The following LUC7L2 variants were observed in gnomAD, a reference collection of about 807,000 sequenced individuals.
The protein encoded by LUC7L2 is LUC7 like 2, pre-mRNA splicing factor, also known as putative RNA-binding protein Luc7-like 2.
Under a neutral mutation model 52.8 loss-of-function variants are expected in LUC7L2, and 25 were observed. That is an observed-to-expected ratio of 0.47 (90% CI 0.34 to 0.66). LUC7L2 has a LOEUF of 0.66. Ranked by LOEUF, LUC7L2 falls within the 30% of genes least tolerant of loss-of-function variation. The probability of loss-of-function intolerance (pLI) is 0.01; values close to 1 mark genes in which losing one functional copy is unlikely to be tolerated. For missense variants in LUC7L2, 328 were observed against 497.8 expected (o/e 0.66, Z 3.25); for synonymous variants, 144 against 160.9 (o/e 0.89, Z 0.80).
At chr7:139,381,641 A>T (rs1801028460) in intron 2 of LUC7L2, among the ~76,000 whole-genome samples, 5 of 149,906 alleles carry the variant, frequency 3.3e-5, no homozygotes. Flanking sequence ...CAATGGTTTG[A>T]TCTCGGCTCA....
At chr7:139,393,809 CA>C (rs1362173771) in intron 2 of LUC7L2, among the ~76,000 whole-genome samples, 1 of 152,154 alleles carries the variant, frequency 6.6e-6, no homozygotes, top group Non-Finnish European at 1.5e-5. Flanking sequence ...GCTTAGTAGT[CA>C]TCATGGTATG....
At position 139,422,909 on chromosome 7, in the gene LUC7L2, T is replaced by C. The variant is rs1477573342; in HGVS notation, c.*569T>C. 7.5e-6 allele frequency: 3 copies of C among 398,860 alleles called. No individual in the cohort carries two copies. Among genetic ancestry groups the C allele is most frequent in the Non-Finnish European group, 1.3e-5 (3 of 226,066 alleles). 24.7% of individuals were successfully genotyped at this position (398,860 alleles called of 1,614,324 possible). A position where few individuals can be genotyped will look rare whatever the true frequency, so the allele number is the denominator to read the frequency against. On this transcript the variant is annotated 3_prime_UTR_variant, in exon 10 of 10. Coordinates refer to ENST00000354926, the MANE Select transcript of LUC7L2 (RefSeq NM_016019.5). ...AATACTGGGGTTTTTTGTTTAATGG[T>C]GCCTATTTAGAGTTGGAAGTTGAAC...
intron 9 of LUC7L2, 23 bp downstream of exon 9, chr7:139,417,752 A>T (rs73154180): frequency 0.023 from 36,868 of 1,604,234 alleles, 491 homozygotes; most frequent in South Asian, 0.048. Context: ...CAATCAGAGG[A>T]TATGGAGCTA....
intron 2 of LUC7L2, among the ~76,000 whole-genome samples, chr7:139,377,266 G>T (rs1800759629): frequency 6.6e-6 from 1 of 152,024 alleles, no homozygotes; most frequent in Admixed American, 6.6e-5. Context: ...GTGCAGTGGC[G>T]CAATCTCAGC....
intron 1 of LUC7L2, among the ~76,000 whole-genome samples, chr7:139,362,795 A>G (rs1296098186): frequency 6.6e-6 from 1 of 151,782 alleles, no homozygotes; most frequent in Non-Finnish European, 1.5e-5. Flanking sequence ...CACCCCCTCA[A>G]GGTTTCTTCC....
chr7:139,414,434 C>T (rs77536492), intron 8 of LUC7L2, among the ~76,000 whole-genome samples: 3 of 152,228 alleles, frequency 2.0e-5, no homozygotes, highest in Non-Finnish European at 4.4e-5. Context: ...GGGCTGTATT[C>T]AAAGCCATCC....
In LUC7L2 at chr7:139,360,198, C is replaced by A. The variant is rs1331710898; in HGVS notation, c.-64C>A. ...ACCTTCCCCCATCCCTTCCCCTTAT[C>A]CCCCAGCCCAAAAGGGCCCGGTCTG... On this transcript the variant is annotated 5_prime_UTR_variant, in exon 1 of 10. Coordinates refer to ENST00000354926, the MANE Select transcript of LUC7L2 (RefSeq NM_016019.5). 12 of 1,256,970 alleles carry A rather than the reference C, an allele frequency of 9.5e-6. No homozygotes were observed. The highest frequency in any genetic ancestry group is 2.6e-5 in the East Asian group (1 of 38,470). 77.9% of individuals were successfully genotyped at this position (1,256,970 alleles called of 1,614,324 possible).
At position 139,360,237 on chromosome 7, in the gene LUC7L2, C is replaced by CCCGT. The variant is rs750417600; in HGVS notation, c.-21_-18dup. ...GGGCCCGGTCTGCGCCCCACCCCCGCCCGTCCGCCCGCTACGCCGCCGCCA... is the reference window on the plus strand; with the variant it reads ...GGGCCCGGTCTGCGCCCCACCCCCGCCCGTCCGTCCGCCCGCTACGCCGCCGCCA... On this transcript the variant is annotated 5_prime_UTR_variant, in exon 1 of 10. Coordinates refer to ENST00000354926, the MANE Select transcript of LUC7L2 (RefSeq NM_016019.5). 1.8e-4 allele frequency: 282 copies of CCCGT among 1,543,458 alleles called. 6 individuals carry two copies. In the South Asian group the frequency reaches 3.3e-3, roughly 18 times the overall value.
In LUC7L2 at chr7:139,412,554, C is replaced by G; in HGVS notation, c.783C>G (p.Ser261=). The G allele has an allele frequency of 1.2e-6, 2 of 1,600,240 alleles. No individual in the cohort carries two copies. The highest frequency in any genetic ancestry group is 2.3e-5 in the South Asian group (2 of 88,172). Reference sequence around the variant, plus strand: ...AATACATATTTTTTTTTTTTAGGTCCCGATCACACAGCAAGAATCCAAAAA... The same window carrying G: ...AATACATATTTTTTTTTTTTAGGTCGCGATCACACAGCAAGAATCCAAAAA... The part of the protein sequence containing the change: ...EREEREKLRR[S]RSHSKNPKRS... Residue 261 remains serine, a synonymous_variant, in exon 8 of 10, where the codon TCC becomes TCG. Coordinates refer to ENST00000354926, the MANE Select transcript of LUC7L2 (RefSeq NM_016019.5).
chr7:139,359,078 C>CTGTT (rs1799719519), upstream of LUC7L2: 1 of 152,284 alleles, frequency 6.6e-6, no homozygotes, highest in Admixed American at 6.5e-5. Context: ...CACGCCATAG[C>CTGTT]AGACGTGTGA....
intron 2 of LUC7L2, among the ~76,000 whole-genome samples, chr7:139,394,055 T>C (rs977058905): frequency 6.6e-6 from 1 of 151,718 alleles, no homozygotes; most frequent in Non-Finnish European, 1.5e-5. Context: ...CCAACTAGCC[T>C]GCCTCTTGGA....
At chr7:139,413,147 ATACTT>A (rs1354637829) in intron 8 of LUC7L2, among the ~76,000 whole-genome samples, 1 of 152,220 alleles carries the variant, frequency 6.6e-6, no homozygotes, top group Non-Finnish European at 1.5e-5. Flanking sequence ...GAGCAAGACA[ATACTT>A]TGTTTTGACT....
At position 139,359,950 on chromosome 7, in the gene LUC7L2, C is replaced by T. The variant is rs1799776243; in HGVS notation, c.-312C>T. 4.7e-6 allele frequency: 2 copies of T among 421,494 alleles called. No individual in the cohort carries two copies. The highest frequency in any genetic ancestry group is 6.4e-5 in the South Asian group (1 of 15,720). The allele number at this position is 421,494 out of a possible 1,614,324, so 26.1% of individuals were successfully genotyped here. A position where few individuals can be genotyped will look rare whatever the true frequency, so the allele number is the denominator to read the frequency against. ...GCGTCAGAGCTTGAGGGGGGGTTGA[C>T]GGCTTCTGGCGGGTGGCGGTGTTGA... is the stretch of plus-strand genomic sequence containing the variant. On this transcript the variant is annotated 5_prime_UTR_variant, in exon 1 of 10. In the 5' UTR this introduces an upstream ATG that the reference lacks. Coordinates refer to ENST00000354926, the MANE Select transcript of LUC7L2 (RefSeq NM_016019.5).
chr7:139,415,198 C>T (rs867646440), intron 8 of LUC7L2, among the ~76,000 whole-genome samples: 7 of 150,648 alleles, frequency 4.6e-5, no homozygotes, highest in Middle Eastern at 6.9e-3. Flanking sequence ...AGGCATGAGT[C>T]ACCATGTCCA....
At chr7:139,383,137 C>T (rs192055716) in intron 2 of LUC7L2, among the ~76,000 whole-genome samples, 14 of 151,642 alleles carry the variant, frequency 9.2e-5, no homozygotes, top group African/African-American at 1.5e-4. Context: ...TTTTTTGAGA[C>T]GGAGTTTTGC....
rs193271405 is a variant in LUC7L2 at position 139,399,713 on chromosome 7, C to T, written c.255+1016C>T. On this transcript the variant is annotated intron_variant, in intron 3 of 9. Coordinates refer to ENST00000354926, the MANE Select transcript of LUC7L2 (RefSeq NM_016019.5). Reference sequence around the variant, plus strand: ...CTTGATCTCCTGACCGCGTGATCCGCCCGCCTCAGCCTCCCAAAGTGTTGG... The same window carrying T: ...CTTGATCTCCTGACCGCGTGATCCGTCCGCCTCAGCCTCCCAAAGTGTTGG... 5.4e-3 allele frequency among the ~76,000 whole-genome samples: 823 copies of T among 152,072 alleles called. 10 individuals are homozygous for T. Among genetic ancestry groups the T allele is most frequent in the African/African-American group, 0.018 (757 of 41,524 alleles).
chr7:139,353,501 AT>A (rs202032003), intron 1 of LUC7L2, among the ~76,000 whole-genome samples: 2 of 150,990 alleles, frequency 1.3e-5, no homozygotes, highest in African/African-American at 4.9e-5. Flanking sequence ...ACATACAGAG[AT>A]TTTTTTTTTC....
intron 2 of LUC7L2, among the ~76,000 whole-genome samples, chr7:139,383,707 C>T (rs1213589118): frequency 2.0e-5 from 3 of 150,872 alleles, no homozygotes; most frequent in Non-Finnish European, 2.9e-5. Context: ...AAAGCCACCG[C>T]GCCCGGCCTT....
At chr7:139,345,353 T>G in intron 1 of LUC7L2, 3 of 1,248,068 alleles carry the variant, frequency 2.4e-6, no homozygotes, top group Non-Finnish European at 3.2e-6. Flanking sequence ...CCTCTATAGA[T>G]GTATTAAGTA....
Sources: gnomAD v4.1 joint callset for allele counts (sites outside exome capture counted in the v4.1 genomes callset) on GRCh38, gnomAD v4.1.1 for gene constraint, MANE v1.5 for transcripts, NCBI Gene and HGNC (gene_info 2026-07-23, HGNC 2026-07-21) for gene names.